Variants in XPNPEP1 observed in about 807,000 individuals in gnomAD.
XPNPEP1 encodes the protein xaa-Pro aminopeptidase 1.
In XPNPEP1, 39 loss-of-function variants were observed where a neutral mutation model predicts 92.4. The observed-to-expected ratio is 0.42, with a 90% confidence interval of 0.33 to 0.55. The LOEUF (loss-of-function observed/expected upper bound fraction) is 0.55, where lower values mean the gene tolerates loss of function less well. Ranked by LOEUF, XPNPEP1 falls within the 20% of genes least tolerant of loss-of-function variation. The pLI is 0.08. For synonymous variants in XPNPEP1, 307 were observed against 299.4 expected (o/e 1.03, Z -0.26); for missense variants, 654 against 856.1 (o/e 0.76, Z 2.95).
chr10:109,891,440 G>C (rs1458282641), intron 5 of XPNPEP1: 1 of 270,686 alleles, frequency 3.7e-6, no homozygotes, highest in Admixed American at 5.1e-5. Flanking sequence ...CCCAGTACAG[G>C]AGTGAAATGC....
intron 3 of XPNPEP1, among the ~76,000 whole-genome samples, chr10:109,896,517 G>A (rs1849001305): frequency 6.8e-6 from 1 of 147,222 alleles, no homozygotes; most frequent in Non-Finnish European, 1.5e-5. Context: ...TGATCAGCCT[G>A]CCTCAGCCTC....
intron 7 of XPNPEP1, among the ~76,000 whole-genome samples, chr10:109,886,601 A>C (rs1409625073): frequency 6.6e-6 from 1 of 152,242 alleles, no homozygotes; most frequent in Non-Finnish European, 1.5e-5. Flanking sequence ...TAGATCTGCC[A>C]GGCATAGATA....
At chr10:109,900,718 C>T (rs1849241303) in intron 3 of XPNPEP1, among the ~76,000 whole-genome samples, 1 of 152,172 alleles carries the variant, frequency 6.6e-6, no homozygotes, top group Non-Finnish European at 1.5e-5. Flanking sequence ...TCTCCTTTCT[C>T]CAACCCATAC....
intron 3 of XPNPEP1, among the ~76,000 whole-genome samples, chr10:109,903,352 C>T (rs1184624490): frequency 6.6e-6 from 1 of 152,182 alleles, no homozygotes; most frequent in South Asian, 2.1e-4. Flanking sequence ...TCCATGACGA[C>T]CTGTGAGAAC....
chr10:109,873,163 A>C (rs568987213), intron 16 of XPNPEP1, among the ~76,000 whole-genome samples: 3 of 152,362 alleles, frequency 2.0e-5, no homozygotes, highest in East Asian at 3.9e-4. Flanking sequence ...CCTTAGCAGA[A>C]TGCTTTAAAA....
intron 15 of XPNPEP1, among the ~76,000 whole-genome samples, chr10:109,873,985 G>T (rs941387199): frequency 7.2e-5 from 11 of 152,120 alleles, no homozygotes; most frequent in Non-Finnish European, 1.2e-4. Context: ...AGTGGAAAAG[G>T]GGGTAGTGAC....
At chr10:109,920,033 T>C (rs947335401) in intron 1 of XPNPEP1, among the ~76,000 whole-genome samples, 13 of 150,968 alleles carry the variant, frequency 8.6e-5, no homozygotes, top group African/African-American at 1.5e-4. Context: ...TCCGTCTCAT[T>C]TAAAAAAAAA....
rs536270210 is a variant in XPNPEP1, at chr10:109,897,754, C to T, written c.247-4679G>A. Among the ~76,000 whole-genome samples the T allele has an allele frequency of 4.6e-5, 7 of 151,876 alleles. No individual in the cohort carries two copies. In the South Asian group the frequency reaches 6.2e-4, roughly 14 times the overall value. Reference sequence around the variant, plus strand: ...CTACAACCTCCACCTCCCAGGTTCACGCGATTCTCATGCCTCAGTCTCCCA... The same window carrying T: ...CTACAACCTCCACCTCCCAGGTTCATGCGATTCTCATGCCTCAGTCTCCCA... On this transcript the variant is annotated intron_variant, in intron 3 of 20. Coordinates refer to ENST00000502935, the MANE Select transcript of XPNPEP1 (RefSeq NM_020383.4).
intron 3 of XPNPEP1, among the ~76,000 whole-genome samples, chr10:109,896,408 A>T (rs1848993277): frequency 1.4e-5 from 2 of 147,448 alleles, no homozygotes; most frequent in South Asian, 4.3e-4. Flanking sequence ...TCTTCTCAAT[A>T]GCTGGGACTA....
chr10:109,894,688 G>A (rs1226005202), intron 3 of XPNPEP1, among the ~76,000 whole-genome samples: 1 of 152,170 alleles, frequency 6.6e-6, no homozygotes, highest in African/African-American at 2.4e-5. Context: ...TGGGCCACCT[G>A]CCCACTAGCC....
At chr10:109,919,868 C>T (rs113302102) in intron 1 of XPNPEP1, among the ~76,000 whole-genome samples, 289 of 152,162 alleles carry the variant, frequency 1.9e-3, no homozygotes, top group Non-Finnish European at 2.8e-3. Context: ...CCCATCTCTA[C>T]TGAAAATACA....
chr10:109,880,943 G>C lies in XPNPEP1; in HGVS notation c.1042-12C>G. On this transcript the variant is annotated splice_polypyrimidine_tract_variant and intron_variant, in intron 10 of 20. Coordinates refer to ENST00000502935, the MANE Select transcript of XPNPEP1 (RefSeq NM_020383.4). ...CAGCAGCGGTGGTCCTAGAGGCAAA[G>C]GGCAGTAGGGTGGGAAATCAAACCG... is the stretch of plus-strand genomic sequence containing the variant. 1 of 1,611,478 alleles carries C rather than the reference G, an allele frequency of 6.2e-7. No individual in the cohort carries two copies.
intron 9 of XPNPEP1, 86 bp downstream of exon 9, chr10:109,883,981 G>C: frequency 8.3e-7 from 1 of 1,201,228 alleles, no homozygotes. Context: ...ATATCAGGCA[G>C]TGATGGGTGG....
intron 2 of XPNPEP1, among the ~76,000 whole-genome samples, chr10:109,909,784 T>A (rs1234195285): frequency 2.6e-5 from 4 of 152,226 alleles, no homozygotes; most frequent in African/African-American, 9.6e-5. Context: ...CAACTCATTT[T>A]TAATAGACTT....
chr10:109,891,570 G>T, intron 5 of XPNPEP1, 152 bp downstream of exon 5: 1 of 584,940 alleles, frequency 1.7e-6, no homozygotes, highest in African/African-American at 2.0e-5. Context: ...CGTATGTATA[G>T]GCATGCCATT....
chr10:109,913,726 C>A (rs1430750633), intron 2 of XPNPEP1, among the ~76,000 whole-genome samples: 1 of 152,136 alleles, frequency 6.6e-6, no homozygotes, highest in Non-Finnish European at 1.5e-5. Context: ...ATAATAGAGC[C>A]TTAAAGTGTT....
chr10:109,870,675 T>C lies in XPNPEP1; in HGVS notation c.1696+56A>G, dbSNP rs1185618735. ...TAATTAAAAAATACAAAACAACGAA[T>C]AGCTTTCAAAAAGGCTCAAGGATCC... On this transcript the variant is annotated intron_variant, in intron 18 of 20. Transcript: ENST00000502935. The C allele has an allele frequency of 5.9e-6, 9 of 1,536,980 alleles. No homozygotes were observed. In the East Asian group the frequency reaches 9.1e-5, roughly 16 times the overall value.
At chr10:109,918,272 T>C (rs1002313288) in intron 1 of XPNPEP1, among the ~76,000 whole-genome samples, 1 of 151,954 alleles carries the variant, frequency 6.6e-6, no homozygotes, top group Non-Finnish European at 1.5e-5. Flanking sequence ...TTTACAAAAA[T>C]GAGCCAGGTT....
chr10:109,906,008 A>G (rs1171689989), intron 3 of XPNPEP1, among the ~76,000 whole-genome samples: 2 of 152,220 alleles, frequency 1.3e-5, no homozygotes, highest in Non-Finnish European at 2.9e-5. Flanking sequence ...AGGTTAATAC[A>G]GGCCTGACCT....
Sources: allele counts gnomAD v4.1 joint callset (sites outside exome capture counted in the v4.1 genomes callset), GRCh38; gene constraint gnomAD v4.1.1; transcripts MANE v1.5; gene names NCBI Gene and HGNC (gene_info 2026-07-23, HGNC 2026-07-21).